STPG2: variants seen among roughly 807,000 people sequenced by gnomAD.
STPG2 encodes sperm-tail PG-rich repeat-containing protein 2.
In STPG2, 56 loss-of-function variants were observed where a neutral mutation model predicts 54.2. The ratio of observed to expected loss-of-function variants is 1.03; its 90% confidence interval spans 0.83 to 1.29. The LOEUF is 1.29. Ranked by LOEUF, STPG2 falls within the 50% of genes most tolerant of loss-of-function variation. The pLI is 0.00. For synonymous variants in STPG2, 200 were observed against 181.8 expected, an observed-to-expected ratio of 1.10 and a Z score of -0.81; for missense variants, 596 against 544.9, an observed-to-expected ratio of 1.09 and a Z score of -0.93.
intron 10 of STPG2, among the ~76,000 whole-genome samples, chr4:97,703,668 A>G (rs1013176165): frequency 2.6e-5 from 3 of 115,826 alleles, no homozygotes; most frequent in African/African-American, 6.2e-5. Flanking sequence ...AAACATATAT[A>G]AAATATATAT....
chr4:97,544,295 T>G (rs765967001), intron 4 of STPG2, among the ~76,000 whole-genome samples: 95 of 152,174 alleles, frequency 6.2e-4, no homozygotes, highest in Non-Finnish European at 1.1e-3. Context: ...ACTGAGTATG[T>G]GGGCTTTGCA....
At chr4:98,108,415 A>G (rs1269249661) in intron 4 of STPG2, among the ~76,000 whole-genome samples, 3 of 152,160 alleles carry the variant, frequency 2.0e-5, no homozygotes, top group Admixed American at 1.3e-4. Flanking sequence ...CCATGAACTC[A>G]TGTCTAAAAC....
intron 10 of STPG2, among the ~76,000 whole-genome samples, chr4:97,601,435 A>C (rs921660669): frequency 2.0e-5 from 3 of 152,052 alleles, no homozygotes; most frequent in African/African-American, 7.2e-5. Flanking sequence ...TATTTCATCT[A>C]ACCAGAATTG....
intron 8 of STPG2, among the ~76,000 whole-genome samples, chr4:97,930,294 C>T (rs1732494236): frequency 6.6e-6 from 1 of 152,110 alleles, no homozygotes; most frequent in Non-Finnish European, 1.5e-5. Flanking sequence ...TGTTCTCAAG[C>T]GTTTTTAGAA....
intron 9 of STPG2, among the ~76,000 whole-genome samples, chr4:97,792,812 A>G (rs1174732969): frequency 6.6e-6 from 1 of 152,066 alleles, no homozygotes; most frequent in African/African-American, 2.4e-5. Flanking sequence ...GTGCTTTTTC[A>G]TCATATACCT....
chr4:98,104,904 T>C (rs530769002), intron 5 of STPG2, among the ~76,000 whole-genome samples: 64 of 152,266 alleles, frequency 4.2e-4, no homozygotes, highest in Admixed American at 4.2e-3. Flanking sequence ...CCCCAAGATA[T>C]CTAGTATTAC....
At chr4:97,943,081 C>T (rs1733051731) in intron 8 of STPG2, among the ~76,000 whole-genome samples, 1 of 152,072 alleles carries the variant, frequency 6.6e-6, no homozygotes, top group African/African-American at 2.4e-5. Flanking sequence ...TCTGGAGAGG[C>T]CCTGCTTCCT....
intron 3 of STPG2, among the ~76,000 whole-genome samples, chr4:98,111,783 G>A (rs1294845475): frequency 6.6e-6 from 1 of 152,034 alleles, no homozygotes. Flanking sequence ...AATGTCGTGG[G>A]CACCTTTCAA....
rs572754650 is a variant in STPG2 at position 98,055,924 on chromosome 4, G to A, written c.612+50029C>T. Among the ~76,000 whole-genome samples, 6 of 152,150 alleles carry A rather than the reference G, an allele frequency of 3.9e-5. No homozygotes were observed. The South Asian group carries it at 8.3e-4, about 21-fold the overall frequency. On this transcript the variant is annotated intron_variant, in intron 5 of 10. Coordinates refer to ENST00000295268, the MANE Select transcript of STPG2 (RefSeq NM_174952.3). ...GCTTCTGCACAGGTGGACCATGCCCGAACACTGGATAGCTCCAGAGAGGCA... is the reference window on the plus strand; with the variant it reads ...GCTTCTGCACAGGTGGACCATGCCCAAACACTGGATAGCTCCAGAGAGGCA...
intron 10 of STPG2, among the ~76,000 whole-genome samples, chr4:97,587,432 A>C (rs2148895577): frequency 6.6e-6 from 1 of 152,102 alleles, no homozygotes; most frequent in African/African-American, 2.4e-5. Flanking sequence ...GCTTCTTGGT[A>C]ACTGAAGAAG....
At chr4:97,956,786 G>T (rs902661451) in intron 7 of STPG2, among the ~76,000 whole-genome samples, 2 of 152,068 alleles carry the variant, frequency 1.3e-5, no homozygotes, top group Non-Finnish European at 2.9e-5. Flanking sequence ...TACAGCAAGG[G>T]GACACCCCAT....
intron 8 of STPG2, among the ~76,000 whole-genome samples, chr4:97,851,766 T>A (rs1729165121): frequency 6.6e-6 from 1 of 152,136 alleles, no homozygotes; most frequent in Admixed American, 6.5e-5. Context: ...CTCTTTGCTA[T>A]CAAAAAGTAG....
At position 97,550,523 on chromosome 4, in the gene STPG2, A is replaced by G. The variant is rs1283754357; in HGVS notation, c.462+162176T>C. ...TAGAAAAATCTTATGCTAGTTCTAC[A>G]TATATTTACTACCTTGTATGGAATA... On this transcript the variant is annotated intron_variant, in intron 4 of 4. Coordinates refer to the STPG2 transcript ENST00000522676. 3.3e-5 allele frequency among the ~76,000 whole-genome samples: 5 copies of G among 152,174 alleles called. No individual in the cohort carries two copies. In the East Asian group the frequency reaches 9.6e-4, roughly 29 times the overall value.
intron 7 of STPG2, among the ~76,000 whole-genome samples, chr4:97,950,922 C>T (rs6853325): frequency 1.9e-3 from 296 of 152,258 alleles, no homozygotes; most frequent in African/African-American, 7.0e-3. Context: ...CATGCTACCT[C>T]TACACAATTC....
chr4:97,520,451 G>A (rs981565196), intron 4 of STPG2, among the ~76,000 whole-genome samples: 5 of 152,020 alleles, frequency 3.3e-5, no homozygotes, highest in Non-Finnish European at 5.9e-5. Flanking sequence ...ATGATTAAGT[G>A]AACAAGTCAG....
intron 10 of STPG2, among the ~76,000 whole-genome samples, chr4:97,595,116 T>G (rs995963283): frequency 6.6e-6 from 1 of 152,196 alleles, no homozygotes; most frequent in Non-Finnish European, 1.5e-5. Flanking sequence ...ACCCAAAGGA[T>G]TATAAATCAT....
chr4:97,528,812 G>C (rs1413509759), intron 4 of STPG2, among the ~76,000 whole-genome samples: 1 of 152,138 alleles, frequency 6.6e-6, no homozygotes, highest in Admixed American at 6.5e-5. Flanking sequence ...TCTATTATTG[G>C]TGTATAGGAA....
chr4:97,828,705 G>A (rs192859549), intron 9 of STPG2, among the ~76,000 whole-genome samples: 34 of 152,188 alleles, frequency 2.2e-4, no homozygotes, highest in Admixed American at 6.5e-4. Flanking sequence ...GAGCTTGATC[G>A]CGGGAGGGGC....
chr4:97,903,006 A>G (rs1731236795), intron 8 of STPG2, among the ~76,000 whole-genome samples: 1 of 152,200 alleles, frequency 6.6e-6, no homozygotes, highest in African/African-American at 2.4e-5. Context: ...ACTTATATAT[A>G]GTCTTAAAAA....
Sources: allele counts gnomAD v4.1 joint callset (sites outside exome capture counted in the v4.1 genomes callset), GRCh38; gene constraint gnomAD v4.1.1; transcripts MANE v1.5; gene names NCBI Gene and HGNC (gene_info 2026-07-23, HGNC 2026-07-21).